Variants in FGF12 observed in about 807,000 individuals in gnomAD.
FGF12 encodes the protein fibroblast growth factor 12B.
FGF12 carries 14 observed loss-of-function variants against 23.6 expected under a neutral mutation model. The observed-to-expected ratio is 0.59, with a 90% CI of 0.39 to 0.93. The LOEUF (loss-of-function observed/expected upper bound fraction) is 0.93, where lower values mean the gene tolerates loss of function less well. Among genes scored for constraint, FGF12 ranks in the 40% least tolerant of loss-of-function variants. The pLI is 0.00. For synonymous variants in FGF12, 62 were observed against 77.3 expected (o/e 0.80, Z 1.04); for missense variants, 175 against 217.8 (o/e 0.80, Z 1.24).
intron 4 of FGF12, among the ~76,000 whole-genome samples, chr3:192,297,876 T>C (rs1715130008): frequency 6.6e-6 from 1 of 152,208 alleles, no homozygotes; most frequent in African/African-American, 2.4e-5. Flanking sequence ...TCTCTATATT[T>C]CTCGAAAGCT....
intron 2 of FGF12, among the ~76,000 whole-genome samples, chr3:192,530,914 G>C (rs889691232): frequency 2.6e-5 from 4 of 152,070 alleles, no homozygotes; most frequent in African/African-American, 7.2e-5. Flanking sequence ...TACCGGGTTT[G>C]AGCAATTCTC....
In FGF12 at chr3:192,360,638, T is replaced by C. The variant is rs1488809889; in HGVS notation, c.14-100A>G. 1 of 765,864 alleles carries C rather than the reference T, an allele frequency of 1.3e-6. No homozygotes were observed. The highest frequency in any genetic ancestry group is 2.6e-5 in the East Asian group (1 of 39,118). The allele number at this position is 765,864 out of a possible 1,614,324, so 47.4% of individuals were successfully genotyped here. ...CTGTAAGTAAATACGTAAATGCCAA[T>C]AGCTTAAATATTGAATTATGTATTT... On this transcript the variant is annotated intron_variant, in intron 2 of 5. Transcript: ENST00000445105. The surrounding 1 kb of genome is among the most constrained non-coding windows in gnomAD (Gnocchi z 4.3).
intron 2 of FGF12, among the ~76,000 whole-genome samples, chr3:192,363,044 A>C (rs1240842781): frequency 6.7e-6 from 1 of 149,426 alleles, no homozygotes; most frequent in Non-Finnish European, 1.5e-5. Context: ...AACAATGAGA[A>C]CACTTGGACA....
At chr3:192,180,993 G>C (rs1036872425) in intron 4 of FGF12, among the ~76,000 whole-genome samples, 1 of 152,174 alleles carries the variant, frequency 6.6e-6, no homozygotes, top group African/African-American at 2.4e-5. Flanking sequence ...AATTTGTGGA[G>C]CAAGGTGCCA....
rs200552234 is a variant in FGF12, at chr3:192,181,378, G to C, written c.229-10722C>G. Among the ~76,000 whole-genome samples, 2,033 of 147,238 alleles carry C rather than the reference G, an allele frequency of 0.014. 97 individuals are homozygous for C. In the South Asian group the frequency reaches 0.15, roughly 11 times the overall value. The stretch of plus-strand genomic sequence containing the variant: ...GCACACACACAGACACACACACACA[G>C]ACACACACACACACACACACAGCAT... On this transcript the variant is annotated intron_variant, in intron 4 of 5. Transcript: ENST00000445105.
At chr3:192,462,003 A>C (rs953562113) in intron 2 of FGF12, among the ~76,000 whole-genome samples, 14 of 152,166 alleles carry the variant, frequency 9.2e-5, no homozygotes, top group African/African-American at 3.4e-4. Context: ...GAAAAAAAAA[A>C]ACACACATTA....
chr3:192,711,353 G>A (rs562844438), intron 2 of FGF12, among the ~76,000 whole-genome samples: 53 of 151,762 alleles, frequency 3.5e-4, no homozygotes, highest in Non-Finnish European at 6.0e-4. Context: ...CCCAGCCGCC[G>A]TCCCGTCCGG....
intron 4 of FGF12, among the ~76,000 whole-genome samples, chr3:192,202,967 G>A (rs1717447469): frequency 6.6e-6 from 1 of 152,278 alleles, no homozygotes; most frequent in East Asian, 1.9e-4. Flanking sequence ...GGGAAATACA[G>A]CCTGCTAAAC....
intron 2 of FGF12, among the ~76,000 whole-genome samples, chr3:192,573,862 C>A (rs13325689): frequency 0.069 from 10,483 of 152,246 alleles, 431 homozygotes; most frequent in South Asian, 0.13. Context: ...TATCCATGCC[C>A]TTCCTCTTAC....
At chr3:192,393,271 C>G (rs1720385669) in intron 2 of FGF12, among the ~76,000 whole-genome samples, 1 of 152,146 alleles carries the variant, frequency 6.6e-6, no homozygotes, top group Non-Finnish European at 1.5e-5. Flanking sequence ...TTATTAGCAC[C>G]CTGTTCTAAT....
At position 192,451,074 on chromosome 3, in the gene FGF12, G is replaced by A. The variant is rs117320475; in HGVS notation, c.14-90536C>T. Among the ~76,000 whole-genome samples the A allele has an allele frequency of 1.8e-4, 27 of 152,302 alleles. No individual in the cohort carries two copies. The East Asian group carries it at 5.0e-3, about 28-fold the overall frequency. ...TGATCTGTGCTCTACTTTGTATGGT[G>A]ACTACATATGTATCTTCCTTGGTCT... is the stretch of plus-strand genomic sequence containing the variant. On this transcript the variant is annotated intron_variant, in intron 2 of 5. Transcript: ENST00000445105.
chr3:192,183,983 G>A lies in FGF12; in HGVS notation c.229-13327C>T, dbSNP rs1190282097. Among the ~76,000 whole-genome samples, 7 of 152,124 alleles carry A rather than the reference G, an allele frequency of 4.6e-5. No homozygotes were observed. In the South Asian group the frequency reaches 1.5e-3, roughly 32 times the overall value. On this transcript the variant is annotated intron_variant, in intron 4 of 5. Coordinates refer to ENST00000445105, the MANE Select transcript of FGF12 (RefSeq NM_004113.6). Reference sequence around the variant, plus strand: ...CACACCTGTAATGCCAGCACTTTGCGAGGTCGAGGTGGGCAGATCACTTAA... The same window carrying A: ...CACACCTGTAATGCCAGCACTTTGCAAGGTCGAGGTGGGCAGATCACTTAA...
At chr3:192,579,852 G>C (rs568865095) in intron 2 of FGF12, among the ~76,000 whole-genome samples, 4 of 152,302 alleles carry the variant, frequency 2.6e-5, no homozygotes, top group Admixed American at 2.6e-4. Flanking sequence ...TTACAGGTGT[G>C]AGCCACTGCA....
intron 2 of FGF12, among the ~76,000 whole-genome samples, chr3:192,499,256 G>A (rs1186471969): frequency 6.6e-6 from 1 of 151,812 alleles, no homozygotes; most frequent in East Asian, 1.9e-4. Context: ...GAGAGTCAAA[G>A]AGGTTAAGAA....
intron 4 of FGF12, among the ~76,000 whole-genome samples, chr3:192,262,864 T>A (rs543014863): frequency 2.0e-4 from 30 of 151,150 alleles, no homozygotes; most frequent in Non-Finnish European, 4.3e-4. Flanking sequence ...CCCTAAGAAC[T>A]ACTCCCCCAT....
intron 4 of FGF12, among the ~76,000 whole-genome samples, chr3:192,323,555 G>T (rs891557481): frequency 6.6e-6 from 1 of 152,122 alleles, no homozygotes; most frequent in East Asian, 1.9e-4. Context: ...GCTTACCAGA[G>T]GCCAGGAAAG....
At chr3:192,705,232 T>A (rs1047203051) in intron 2 of FGF12, among the ~76,000 whole-genome samples, 2 of 152,242 alleles carry the variant, frequency 1.3e-5, no homozygotes, top group Non-Finnish European at 2.9e-5. Flanking sequence ...TCACTAAGTT[T>A]AATCATTACT....
chr3:192,688,674 A>G (rs1042922618), intron 2 of FGF12, among the ~76,000 whole-genome samples: 1 of 152,216 alleles, frequency 6.6e-6, no homozygotes, highest in African/African-American at 2.4e-5. Context: ...AAAATAAAAC[A>G]GTATAGAGAT....
intron 4 of FGF12, among the ~76,000 whole-genome samples, chr3:192,235,235 T>C (rs969900654): frequency 1.3e-5 from 2 of 152,216 alleles, no homozygotes; most frequent in Admixed American, 6.5e-5. Context: ...TATTGGCCTG[T>C]TCAGGATTTC....
Sources: allele counts gnomAD v4.1 joint callset (sites outside exome capture counted in the v4.1 genomes callset), GRCh38; gene constraint gnomAD v4.1.1; non-coding constraint Gnocchi (gnomAD v3.1); transcripts MANE v1.5; gene names NCBI Gene and HGNC (gene_info 2026-07-23, HGNC 2026-07-21).